The following IL13RA1 variants were observed in gnomAD, a reference collection of about 807,000 sequenced individuals.
IL13RA1 encodes the protein interleukin-13 receptor subunit alpha-1.
A neutral mutation model predicts 33.8 loss-of-function variants in IL13RA1; 14 were observed. The observed-to-expected ratio is 0.41, with a 90% confidence interval of 0.27 to 0.65. The LOEUF (loss-of-function observed/expected upper bound fraction) is 0.65, where lower values mean the gene tolerates loss of function less well. IL13RA1 is among the 30% of genes least tolerant of loss of function. The pLI is 0.28. For synonymous variants in IL13RA1, 116 were observed against 115.7 expected (o/e 1.00, Z -0.02); for missense variants, 313 against 327.0 (o/e 0.96, Z 0.33).
At chrX:118,762,661 T>G (rs2017602013) in intron 6 of IL13RA1, among the ~76,000 whole-genome samples, 1 of 111,284 alleles carries the variant, frequency 9.0e-6, no homozygotes, top group Non-Finnish European at 1.9e-5. Flanking sequence ...GTACCAGAAA[T>G]TAAGTGCCCC....
intron 1 of IL13RA1, among the ~76,000 whole-genome samples, chrX:118,732,215 C>T (rs1410566329): frequency 9.1e-6 from 1 of 110,359 alleles, no homozygotes; most frequent in Admixed American, 9.7e-5. Context: ...CTCATTTTCC[C>T]CTGCCCCTAG....
intron 2 of IL13RA1, among the ~76,000 whole-genome samples, chrX:118,743,179 A>G (rs2017364049): frequency 8.9e-6 from 1 of 111,779 alleles, no homozygotes; most frequent in South Asian, 3.8e-4. Flanking sequence ...GGAGGCTGAA[A>G]ATGAATGGCA....
rs367713579 is a variant in IL13RA1 at position 118,769,589 on chromosome X, A to C, written c.1009+2613A>C. On this transcript the variant is annotated intron_variant, in intron 8 of 10. Transcript: ENST00000371666. ...TATTTTAGGTATTTTAGTAGTGGTA[A>C]GTAACCAGTAAAATATGTAGTCACT... Among the ~76,000 whole-genome samples the C allele has an allele frequency of 1.6e-4, 18 of 113,163 alleles. 1 individual carries two copies. Among genetic ancestry groups the C allele is most frequent in the African/African-American group, 5.8e-4 (18 of 31,254 alleles).
chrX:118,744,433 T>A (rs1447896306), intron 2 of IL13RA1, among the ~76,000 whole-genome samples: 1 of 111,876 alleles, frequency 8.9e-6, no homozygotes, highest in Non-Finnish European at 1.9e-5. Flanking sequence ...TGGAGTCTGC[T>A]CTGTCACCCA....
chrX:118,729,755 C>T (rs750209633), intron 1 of IL13RA1, among the ~76,000 whole-genome samples: 1 of 112,154 alleles, frequency 8.9e-6, no homozygotes, highest in Non-Finnish European at 1.9e-5. Context: ...TGTTATTAGT[C>T]CCATTTTGTA....
chrX:118,801,947 A>T, the IL13RA1 span, among the ~76,000 whole-genome samples: 6 of 111,919 alleles, frequency 5.4e-5, no homozygotes, highest in Admixed American at 5.7e-4. Context: ...ACTTAAAAGT[A>T]TTTTTTTTCT....
chrX:118,734,472 A>G (rs2017259176), intron 1 of IL13RA1, among the ~76,000 whole-genome samples: 1 of 112,106 alleles, frequency 8.9e-6, no homozygotes, highest in Non-Finnish European at 1.9e-5. Context: ...TTTTTCATAT[A>G]TAACTTTTAA....
chrX:118,732,398 T>TTA (rs34258619), intron 1 of IL13RA1, among the ~76,000 whole-genome samples: 134 of 107,075 alleles, frequency 1.3e-3, no homozygotes, highest in East Asian at 0.011. Flanking sequence ...TTTTTTAAAT[T>TTA]TATATATATA....
At chrX:118,791,436 G>A (rs1056398496) in intron 10 of IL13RA1, among the ~76,000 whole-genome samples, 28 of 111,089 alleles carry the variant, frequency 2.5e-4, no homozygotes, top group Non-Finnish European at 4.7e-4. Context: ...GAGTAAGAAC[G>A]GCATGACATC....
At chrX:118,770,440 C>A in intron 8 of IL13RA1, 1 of 405,266 alleles carries the variant, frequency 2.5e-6, no homozygotes, top group East Asian at 6.5e-5. Flanking sequence ...ACTGGCCTTC[C>A]ATGGCACAGC....
intron 8 of IL13RA1, among the ~76,000 whole-genome samples, chrX:118,769,022 G>A (rs966505435): frequency 8.9e-6 from 1 of 112,567 alleles, no homozygotes; most frequent in East Asian, 2.8e-4. Context: ...AGTAATCCAA[G>A]CAAGAAACAG....
intron 1 of IL13RA1, among the ~76,000 whole-genome samples, chrX:118,740,204 C>T (rs753727737): frequency 4.5e-5 from 5 of 111,981 alleles, no homozygotes; most frequent in South Asian, 3.7e-4. Flanking sequence ...GGGCTCAAGC[C>T]GCTTGGTCTC....
intron 10 of IL13RA1, 30 bp downstream of exon 10, chrX:118,776,541 GTTTTTT>G (rs5903529): frequency 2.4e-4 from 52 of 219,625 alleles, no homozygotes; most frequent in Admixed American, 6.0e-4. Context: ...GGCTTGAAAT[GTTTTTT>G]TTTTTTTTTT....
At chrX:118,747,365 A>G (rs7884656) in intron 3 of IL13RA1, among the ~76,000 whole-genome samples, 1,511 of 110,202 alleles carry the variant, frequency 0.014, 32 homozygotes, top group African/African-American at 0.047. Context: ...GCGCACACAC[A>G]CACTCACACA....
chrX:118,732,577 CG>C (rs1380048987), intron 1 of IL13RA1, among the ~76,000 whole-genome samples: 1 of 107,779 alleles, frequency 9.3e-6, no homozygotes, highest in Non-Finnish European at 1.9e-5. Flanking sequence ...CAACAGGCCC[CG>C]GTGTGTGATG....
chrX:118,763,255 T>A (rs779096620), intron 6 of IL13RA1, among the ~76,000 whole-genome samples: 33 of 112,871 alleles, frequency 2.9e-4, no homozygotes, highest in Admixed American at 1.0e-3. Flanking sequence ...CTTTGTGCAG[T>A]TCCTGCTACT....
At chrX:118,766,032 G>C (rs1603216898) in intron 6 of IL13RA1, among the ~76,000 whole-genome samples, 1 of 111,809 alleles carries the variant, frequency 8.9e-6, no homozygotes, top group East Asian at 2.8e-4. Context: ...GTCAGAAATT[G>C]CAAATATGTT....
intron 3 of IL13RA1, among the ~76,000 whole-genome samples, chrX:118,747,311 T>C (rs1463232334): frequency 1.8e-5 from 2 of 111,127 alleles, no homozygotes; most frequent in African/African-American, 3.3e-5. Flanking sequence ...CTAATAGTTA[T>C]ATAAAATTTA....
intron 6 of IL13RA1, among the ~76,000 whole-genome samples, chrX:118,766,189 TC>T (rs1323704417): frequency 3.6e-5 from 4 of 112,189 alleles, no homozygotes; most frequent in African/African-American, 1.3e-4. Flanking sequence ...AAGAAATATT[TC>T]CCTTCTTCAA....
Sources: gnomAD v4.1 joint callset for allele counts (sites outside exome capture counted in the v4.1 genomes callset) on GRCh38, gnomAD v4.1.1 for gene constraint, MANE v1.5 for transcripts, NCBI Gene and HGNC (gene_info 2026-07-23, HGNC 2026-07-21) for gene names.